Variants in PRR5L observed in about 807,000 individuals in gnomAD.
PRR5L encodes proline-rich protein 5-like.
In PRR5L, 21 loss-of-function variants were observed where a neutral mutation model predicts 36.4. That is an observed-to-expected ratio of 0.58 (90% CI 0.41 to 0.83). PRR5L has a LOEUF of 0.83. PRR5L is among the 40% of genes least tolerant of loss of function. PRR5L has a pLI of 0.00. For synonymous variants in PRR5L, 188 were observed against 197.0 expected (o/e 0.95, Z 0.38); for missense variants, 381 against 473.3 (o/e 0.80, Z 1.81).
At chr11:36,348,489 T>C (rs936488892) in intron 1 of PRR5L, among the ~76,000 whole-genome samples, 2 of 152,156 alleles carry the variant, frequency 1.3e-5, no homozygotes, top group Admixed American at 6.5e-5. Context: ...CTTCCGACCA[T>C]GTGTTTATCT....
At chr11:36,324,544 A>G (rs1384556772) in intron 1 of PRR5L, among the ~76,000 whole-genome samples, 1 of 152,242 alleles carries the variant, frequency 6.6e-6, no homozygotes, top group Admixed American at 6.5e-5. Flanking sequence ...AATAAAAAAA[A>G]ATTGTAAGAA....
At chr11:36,461,022 C>T (rs1859167775) in intron 8 of PRR5L, among the ~76,000 whole-genome samples, 2 of 152,202 alleles carry the variant, frequency 1.3e-5, no homozygotes, top group Non-Finnish European at 2.9e-5. Flanking sequence ...TTTTCTGGCC[C>T]TTGAAGCCCC....
At chr11:36,378,027 C>T (rs1456827916) in intron 1 of PRR5L, among the ~76,000 whole-genome samples, 1 of 152,124 alleles carries the variant, frequency 6.6e-6, no homozygotes, top group Non-Finnish European at 1.5e-5. Flanking sequence ...TGATCAAGCC[C>T]GGGAGACTAC....
intron 3 of PRR5L, among the ~76,000 whole-genome samples, chr11:36,418,891 A>G (rs1169740378): frequency 5.9e-5 from 9 of 152,330 alleles, no homozygotes; most frequent in Non-Finnish European, 1.3e-4. Context: ...GTTTTAAACT[A>G]TAAAGTGCTC....
intron 1 of PRR5L, among the ~76,000 whole-genome samples, chr11:36,301,378 A>G (rs991555919): frequency 6.6e-6 from 1 of 152,208 alleles, no homozygotes; most frequent in Non-Finnish European, 1.5e-5. Context: ...GTCAAGGCTC[A>G]GGGAGAGGGG....
chr11:36,356,298 G>A (rs1857027230), intron 1 of PRR5L, among the ~76,000 whole-genome samples: 1 of 152,124 alleles, frequency 6.6e-6, no homozygotes. Flanking sequence ...TGACATCAAG[G>A]ATAATTGTGA....
rs35747352 is a variant in PRR5L, at chr11:36,403,466, T to TG, written c.245+88_245+89insG. On this transcript the variant is annotated intron_variant, in intron 3 of 8. Coordinates refer to ENST00000530639, the MANE Select transcript of PRR5L (RefSeq NM_001160167.2). ...TACCGCCTTAGGAGCCTTAAGGGTT[T>TG]TTTTTTTTTTTTTCCTGCTTGATTC... The TG allele has an allele frequency of 1.1e-3, 968 of 850,060 alleles. 5 individuals carry two copies. Among genetic ancestry groups the TG allele is most frequent in the South Asian group, 5.5e-3 (328 of 59,206 alleles). 52.7% of individuals were successfully genotyped at this position (850,060 alleles called of 1,614,324 possible). A position where few individuals can be genotyped will look rare whatever the true frequency, so the allele number is the denominator to read the frequency against.
chr11:36,379,831 G>A (rs1303401819), intron 1 of PRR5L, among the ~76,000 whole-genome samples: 1 of 152,190 alleles, frequency 6.6e-6, no homozygotes, highest in Non-Finnish European at 1.5e-5. Context: ...AAACAAATGA[G>A]CTGACTTATT....
In PRR5L at chr11:36,350,938, TTATA is replaced by T. The variant is rs1239078415; in HGVS notation, c.-125-50049_-125-50046del. Among the ~76,000 whole-genome samples, 156 of 28,260 alleles carry T rather than the reference TTATA, an allele frequency of 5.5e-3. 10 individuals carry two copies. Among genetic ancestry groups the T allele is most frequent in the African/African-American group, 0.017 (88 of 5,214 alleles). 18.5% of individuals were successfully genotyped at this position (28,260 alleles called of 152,430 possible). A position where few individuals can be genotyped will look rare whatever the true frequency, so the allele number is the denominator to read the frequency against. On this transcript the variant is annotated intron_variant, in intron 1 of 8. Transcript: ENST00000530639. ...TATATATTTATATATATTTATATAT[TTATA>T]TATATATATTTATATATATTTATAT...
At chr11:36,350,820 T>TA (rs1856922655) in intron 1 of PRR5L, among the ~76,000 whole-genome samples, 1 of 149,120 alleles carries the variant, frequency 6.7e-6, no homozygotes, top group Admixed American at 6.8e-5. Flanking sequence ...TTACTTCATT[T>TA]AGAATAATGG....
chr11:36,340,766 C>T (rs368731297), intron 1 of PRR5L, among the ~76,000 whole-genome samples: 2 of 152,124 alleles, frequency 1.3e-5, no homozygotes, highest in East Asian at 1.9e-4. Context: ...ACTACAAAAA[C>T]CCCAGAGCTG....
At chr11:36,340,465 CTA>C (rs1161486527) in intron 1 of PRR5L, among the ~76,000 whole-genome samples, 1 of 152,174 alleles carries the variant, frequency 6.6e-6, no homozygotes, top group Non-Finnish European at 1.5e-5. Context: ...GCATATAACA[CTA>C]TGTGTCAGAC....
intron 1 of PRR5L, among the ~76,000 whole-genome samples, chr11:36,382,115 G>A (rs190543866): frequency 6.6e-5 from 10 of 152,240 alleles, no homozygotes; most frequent in East Asian, 3.9e-4. Context: ...CGGAGATCGC[G>A]CCACTTCACT....
chr11:36,398,462 C>T (rs1857716647), intron 1 of PRR5L: 1 of 152,502 alleles, frequency 6.6e-6, no homozygotes, highest in Non-Finnish European at 1.5e-5. Flanking sequence ...CCTCCTTCCT[C>T]CCTGTGCTGC....
intron 4 of PRR5L, among the ~76,000 whole-genome samples, chr11:36,421,397 G>A (rs1858262690): frequency 6.6e-6 from 1 of 152,142 alleles, no homozygotes; most frequent in Non-Finnish European, 1.5e-5. Context: ...ATTTCCTACC[G>A]GGAACATAAT....
rs527648603 is a variant in PRR5L, at chr11:36,406,133, G to A, written c.245+2755G>A. On this transcript the variant is annotated intron_variant, in intron 3 of 8. Transcript: ENST00000530639. ...TTTTTTTTGCCATCGTTCCTTTCCC[G>A]AGGTCTCTGTGAGCCCATCTCTTAT... Among the ~76,000 whole-genome samples, 4 of 151,000 alleles carry A rather than the reference G, an allele frequency of 2.6e-5. No individual in the cohort carries two copies. The South Asian group carries it at 6.3e-4, about 24-fold the overall frequency.
intron 3 of PRR5L, among the ~76,000 whole-genome samples, chr11:36,404,298 G>A (rs1353676191): frequency 5.2e-5 from 7 of 133,542 alleles, no homozygotes; most frequent in Non-Finnish European, 1.1e-4. Flanking sequence ...TTTAAACGGA[G>A]TCTTGCTCTG....
chr11:36,451,206 C>T lies in PRR5L; in HGVS notation c.586-3C>T, dbSNP rs1288333881. ...TTGTGTATCTTGGCTGTTCATTTTC[C>T]AGAGTGTTCACGAGCCCACAGGCCC... On this transcript the variant is annotated splice_polypyrimidine_tract_variant and splice_region_variant and intron_variant, in intron 7 of 8. Transcript: ENST00000530639. The T allele has an allele frequency of 2.5e-6, 4 of 1,613,912 alleles. No homozygotes were observed. The highest frequency in any genetic ancestry group is 1.3e-5 in the African/African-American group (1 of 74,926).
chr11:36,458,411 G>A (rs1392230836), intron 8 of PRR5L, among the ~76,000 whole-genome samples: 2 of 152,204 alleles, frequency 1.3e-5, no homozygotes, highest in Non-Finnish European at 1.5e-5. Flanking sequence ...ACTAAACAGC[G>A]AGATCATGGG....
Sources: allele counts gnomAD v4.1 joint callset (sites outside exome capture counted in the v4.1 genomes callset), GRCh38; gene constraint gnomAD v4.1.1; transcripts MANE v1.5; gene names NCBI Gene and HGNC (gene_info 2026-07-23, HGNC 2026-07-21).